Variants in PTPRK observed in about 807,000 individuals in gnomAD.
PTPRK encodes receptor-type tyrosine-protein phosphatase kappa.
A neutral mutation model predicts 178.0 loss-of-function variants in PTPRK; 75 were observed. The ratio of observed to expected loss-of-function variants is 0.42; its 90% CI spans 0.35 to 0.51. PTPRK has a LOEUF of 0.51. PTPRK is among the 20% of genes least tolerant of loss of function. PTPRK has a pLI of 0.02. For missense variants in PTPRK, 1,441 were observed against 1,797.8 expected, an observed-to-expected ratio of 0.80 and a Z score of 3.59; for synonymous variants, 637 against 620.6, an observed-to-expected ratio of 1.03 and a Z score of -0.39.
chr6:128,437,975 A>T (rs1461598318), intron 1 of PTPRK, among the ~76,000 whole-genome samples: 1 of 152,262 alleles, frequency 6.6e-6, no homozygotes, highest in African/African-American at 2.4e-5. Flanking sequence ...CTAAAGTCCC[A>T]CAGTCAGCCC....
intron 5 of PTPRK, among the ~76,000 whole-genome samples, chr6:128,232,387 A>AG (rs1250052441): frequency 3.9e-5 from 6 of 152,238 alleles, no homozygotes; most frequent in African/African-American, 1.4e-4. Flanking sequence ...CAGGGCAAAA[A>AG]GTATCTTAAA....
At chr6:128,196,995 G>A (rs1467855230) in intron 6 of PTPRK, among the ~76,000 whole-genome samples, 10 of 151,998 alleles carry the variant, frequency 6.6e-5, no homozygotes, top group Admixed American at 5.9e-4. Flanking sequence ...AAAGAATTGA[G>A]AAAGGAAGGC....
intron 1 of PTPRK, among the ~76,000 whole-genome samples, chr6:128,509,929 A>C (rs185538477): frequency 3.3e-4 from 50 of 152,320 alleles, no homozygotes; most frequent in Middle Eastern, 3.4e-3. Context: ...GGGCATAATG[A>C]GTCAACACCA....
intron 1 of PTPRK, among the ~76,000 whole-genome samples, chr6:128,484,105 T>C (rs1276649790): frequency 2.0e-5 from 3 of 152,196 alleles, no homozygotes; most frequent in Non-Finnish European, 2.9e-5. Flanking sequence ...AAATCCTAGA[T>C]AGACACCTTA....
chr6:128,230,255 T>A (rs1562831805), intron 5 of PTPRK, among the ~76,000 whole-genome samples: 7 of 152,086 alleles, frequency 4.6e-5, no homozygotes, highest in Admixed American at 3.9e-4. Flanking sequence ...AAGTCAAACA[T>A]CCTAGGCTCA....
intron 13 of PTPRK, among the ~76,000 whole-genome samples, chr6:128,052,655 C>T (rs1779213911): frequency 6.6e-6 from 1 of 152,172 alleles, no homozygotes; most frequent in Non-Finnish European, 1.5e-5. Context: ...TACTGTTCAC[C>T]TTCATCATTT....
intron 10 of PTPRK, among the ~76,000 whole-genome samples, chr6:128,081,412 A>C (rs1784796219): frequency 6.6e-6 from 1 of 152,008 alleles, no homozygotes; most frequent in Non-Finnish European, 1.5e-5. Context: ...CAAATTTTTA[A>C]AGTTTGTATT....
At chr6:128,144,748 C>T (rs931071296) in intron 7 of PTPRK, among the ~76,000 whole-genome samples, 2 of 152,024 alleles carry the variant, frequency 1.3e-5, no homozygotes, top group African/African-American at 2.4e-5. Flanking sequence ...ATTATACTTG[C>T]CACAAAGTAG....
At chr6:128,319,850 TA>T (rs1215941910) in intron 3 of PTPRK, among the ~76,000 whole-genome samples, 1 of 152,176 alleles carries the variant, frequency 6.6e-6, no homozygotes, top group Non-Finnish European at 1.5e-5. Context: ...GTACAACTAA[TA>T]ATCTAAATGA....
chr6:128,433,673 A>C (rs1475730176), intron 1 of PTPRK, among the ~76,000 whole-genome samples: 1 of 151,660 alleles, frequency 6.6e-6, no homozygotes, highest in East Asian at 1.9e-4. Flanking sequence ...ACACCATCAC[A>C]CCAGGTTAAT....
At chr6:128,270,320 T>C (rs1184223067) in intron 3 of PTPRK, among the ~76,000 whole-genome samples, 1 of 152,176 alleles carries the variant, frequency 6.6e-6, no homozygotes, top group African/African-American at 2.4e-5. Context: ...CCTTAGAAAG[T>C]ATCTAAAATG....
At chr6:128,413,142 C>T (rs1433159513) in intron 1 of PTPRK, among the ~76,000 whole-genome samples, 1 of 152,112 alleles carries the variant, frequency 6.6e-6, no homozygotes, top group Non-Finnish European at 1.5e-5. Flanking sequence ...TATTTAAGCC[C>T]GCCTACATAT....
intron 3 of PTPRK, among the ~76,000 whole-genome samples, chr6:128,310,241 T>G (rs1490763384): frequency 6.6e-6 from 1 of 152,126 alleles, no homozygotes; most frequent in Non-Finnish European, 1.5e-5. Context: ...AGATGATTTG[T>G]TAGGATTTAT....
chr6:128,430,355 A>G (rs931200437), intron 1 of PTPRK, among the ~76,000 whole-genome samples: 6 of 152,236 alleles, frequency 3.9e-5, no homozygotes, highest in Non-Finnish European at 5.9e-5. Flanking sequence ...ATTGAATTCT[A>G]AAGTAACTAA....
At chr6:128,400,169 G>A (rs184729602) in intron 1 of PTPRK, among the ~76,000 whole-genome samples, 1 of 152,186 alleles carries the variant, frequency 6.6e-6, no homozygotes, top group Non-Finnish European at 1.5e-5. Flanking sequence ...TGTTATGCGG[G>A]ATAATAATAT....
intron 7 of PTPRK, among the ~76,000 whole-genome samples, chr6:128,115,562 T>C (rs930613366): frequency 6.6e-6 from 1 of 152,026 alleles, no homozygotes; most frequent in Non-Finnish European, 1.5e-5. Flanking sequence ...ATAAGAGTAA[T>C]TAAGGGAGTG....
chr6:128,399,416 C>T (rs1253844437), intron 1 of PTPRK, among the ~76,000 whole-genome samples: 2 of 152,144 alleles, frequency 1.3e-5, no homozygotes, highest in Non-Finnish European at 2.9e-5. Context: ...TCCTATAAAA[C>T]AACCAAACTC....
At chr6:128,230,786 A>G (rs1478475423) in intron 5 of PTPRK, 3 of 152,146 alleles carry the variant, frequency 2.0e-5, no homozygotes, top group Non-Finnish European at 2.9e-5. Context: ...TTGTTCTTGC[A>G]CAGAAAGAGA....
intron 1 of PTPRK, among the ~76,000 whole-genome samples, chr6:128,508,688 T>C (rs1036741359): frequency 6.6e-6 from 1 of 152,024 alleles, no homozygotes; most frequent in Non-Finnish European, 1.5e-5. Flanking sequence ...CTCACACCTG[T>C]AATCCCGCAC....
Sources: allele counts gnomAD v4.1 joint callset (sites outside exome capture counted in the v4.1 genomes callset), GRCh38; gene constraint gnomAD v4.1.1; transcripts MANE v1.5; gene names NCBI Gene and HGNC (gene_info 2026-07-23, HGNC 2026-07-21).